PRKN: variants seen among roughly 807,000 people sequenced by gnomAD.
The protein encoded by PRKN is parkin RBR E3 ubiquitin protein ligase.
A neutral mutation model predicts 59.5 loss-of-function variants in PRKN; 56 were observed. The observed-to-expected ratio is 0.94, with a 90% confidence interval of 0.76 to 1.18. The LOEUF is 1.18. Ranked by LOEUF, PRKN falls within the 50% of genes most tolerant of loss-of-function variation. The pLI, the probability that PRKN is intolerant of heterozygous loss-of-function variation, is 0.00. For synonymous variants in PRKN, 250 were observed against 222.1 expected, an observed-to-expected ratio of 1.13 and a Z score of -1.12; for missense variants, 657 against 596.4, an observed-to-expected ratio of 1.10 and a Z score of -1.06.
Position 161,529,350 on chromosome 6 carries a change from T to A in PRKN, c.1083+19504A>T, listed in dbSNP as rs535780785. Among the ~76,000 whole-genome samples, 52 of 152,304 alleles carry A rather than the reference T, an allele frequency of 3.4e-4. No homozygotes were observed. Among genetic ancestry groups the A allele is most frequent in the African/African-American group, 9.1e-4 (38 of 41,562 alleles). On this transcript the variant is annotated intron_variant, in intron 9 of 11. Transcript: ENST00000366898. The surrounding 1 kb of genome is among the most constrained non-coding windows in gnomAD (Gnocchi z 4.4). The stretch of plus-strand genomic sequence containing the variant: ...CCTGGGGCCGCAGTAAGCACCAAGT[T>A]CACAGGCTTAGTGAGGCGAGTCACA...
rs1789143745 is a variant in PRKN at position 162,424,739 on chromosome 6, A to ATT, written c.171+18570_171+18571insAA. Reference sequence around the variant, plus strand: ...GACAGAGCAAGACTCTGTCTCAAAGAAAAAAAAAAAAAAGAAAAGAAAAGA... The same window carrying ATT: ...GACAGAGCAAGACTCTGTCTCAAAGATTAAAAAAAAAAAAAGAAAAGAAAAGA... On this transcript the variant is annotated intron_variant, in intron 2 of 11. Transcript: ENST00000366898. Among the ~76,000 whole-genome samples, 7 of 141,316 alleles carry ATT rather than the reference A, an allele frequency of 5.0e-5. No homozygotes were observed. The South Asian group carries it at 1.6e-3, about 32-fold the overall frequency. The allele number at this position is 141,316 out of a possible 152,430, so 92.7% of individuals were successfully genotyped here.
At position 162,539,615 on chromosome 6, in the gene PRKN, C is replaced by T. The variant is rs367779183; in HGVS notation, c.8-96142G>A. On this transcript the variant is annotated intron_variant, in intron 1 of 11. Transcript: ENST00000366898. ...AGTCTCATGGAAATGCATTAAACATCAGACAAAAAAATGTAGGCTGCTTGA... is the reference window on the plus strand; with the variant it reads ...AGTCTCATGGAAATGCATTAAACATTAGACAAAAAAATGTAGGCTGCTTGA... 3.3e-5 allele frequency among the ~76,000 whole-genome samples: 5 copies of T among 152,112 alleles called. No individual in the cohort carries two copies. In the East Asian group the frequency reaches 7.7e-4, roughly 23 times the overall value.
intron 9 of PRKN, among the ~76,000 whole-genome samples, chr6:161,500,047 C>T (rs764240471): frequency 9.2e-5 from 14 of 152,308 alleles, no homozygotes; most frequent in East Asian, 3.9e-4. Context: ...CAAAATCTCA[C>T]GCATCTTTAA....
intron 2 of PRKN, among the ~76,000 whole-genome samples, chr6:162,409,015 C>T (rs1788213316): frequency 6.6e-6 from 1 of 151,886 alleles, no homozygotes; most frequent in South Asian, 2.1e-4. Context: ...CTCTCTGACA[C>T]TGTTGTCTCC....
intron 1 of PRKN, among the ~76,000 whole-genome samples, chr6:162,642,310 A>T (rs796548661): frequency 1.1e-4 from 17 of 152,312 alleles, no homozygotes; most frequent in African/African-American, 3.8e-4. Flanking sequence ...TATGATCCAT[A>T]AAATAAGAAC....
chr6:161,933,528 C>G lies in PRKN; in HGVS notation c.734+39774G>C, dbSNP rs180973047. ...CTGGTCATATAGCCTCTGAAAAACT[C>G]CGTAGCTTAGTATTGTTATGAAAAT... On this transcript the variant is annotated intron_variant, in intron 6 of 11. Coordinates refer to ENST00000366898, the MANE Select transcript of PRKN (RefSeq NM_004562.3). 7.6e-4 allele frequency among the ~76,000 whole-genome samples: 116 copies of G among 152,304 alleles called. 1 individual carries two copies. Among genetic ancestry groups the G allele is most frequent in the African/African-American group, 2.8e-3 (116 of 41,558 alleles).
intron 6 of PRKN, among the ~76,000 whole-genome samples, chr6:161,953,188 T>C (rs1044296914): frequency 4.6e-5 from 7 of 152,300 alleles, no homozygotes; most frequent in Admixed American, 3.3e-4. Context: ...CTCAGCTCAC[T>C]GCAACCTCCA....
rs546444018 is a variant in PRKN at position 162,370,041 on chromosome 6, T to C, written c.171+73269A>G. On this transcript the variant is annotated intron_variant, in intron 2 of 11. Transcript: ENST00000366898. ...ATCATCAAGTGGCCACCTACGCTTTTTGAGTGGTAATTCTTGAAATATGGT... is the reference window on the plus strand; with the variant it reads ...ATCATCAAGTGGCCACCTACGCTTTCTGAGTGGTAATTCTTGAAATATGGT... Among the ~76,000 whole-genome samples the C allele has an allele frequency of 4.6e-5, 7 of 152,292 alleles. No individual in the cohort carries two copies. The East Asian group carries it at 1.2e-3, about 25-fold the overall frequency.
At chr6:161,485,701 G>A (rs1791616146) in intron 9 of PRKN, among the ~76,000 whole-genome samples, 1 of 151,948 alleles carries the variant, frequency 6.6e-6, no homozygotes, top group Non-Finnish European at 1.5e-5. Context: ...AGAGAATGAA[G>A]AAAATTCAAG....
At chr6:162,550,568 C>A (rs73591891) in intron 1 of PRKN, among the ~76,000 whole-genome samples, 1 of 152,076 alleles carries the variant, frequency 6.6e-6, no homozygotes, top group African/African-American at 2.4e-5. Flanking sequence ...AGTCACCAGG[C>A]GAGGCTGGGC....
intron 2 of PRKN, among the ~76,000 whole-genome samples, chr6:162,423,239 T>C (rs1243971129): frequency 6.6e-6 from 1 of 152,104 alleles, no homozygotes; most frequent in African/African-American, 2.4e-5. Flanking sequence ...TATGTACACA[T>C]CAGTAACTAG....
intron 6 of PRKN, among the ~76,000 whole-genome samples, chr6:161,897,632 GA>G (rs1437840912): frequency 6.6e-6 from 1 of 152,170 alleles, no homozygotes; most frequent in Non-Finnish European, 1.5e-5. Context: ...TTTTGGCTTA[GA>G]ATTGTGTGCT....
At chr6:162,265,748 C>A (rs1780100915) in intron 2 of PRKN, among the ~76,000 whole-genome samples, 1 of 152,160 alleles carries the variant, frequency 6.6e-6, no homozygotes, top group Admixed American at 6.5e-5. Context: ...TGAGTCCAAC[C>A]CACTGAGGTG....
intron 1 of PRKN, among the ~76,000 whole-genome samples, chr6:162,708,894 G>A (rs777400658): frequency 9.9e-5 from 15 of 152,252 alleles, no homozygotes; most frequent in Admixed American, 2.6e-4. Flanking sequence ...GTGGGCAAGC[G>A]GAGCCAGTAA....
At chr6:162,478,945 A>T (rs894082534) in intron 1 of PRKN, among the ~76,000 whole-genome samples, 1 of 152,190 alleles carries the variant, frequency 6.6e-6, no homozygotes, top group Non-Finnish European at 1.5e-5. Flanking sequence ...TGGCGAGTGA[A>T]TGGGAAGACC....
intron 1 of PRKN, among the ~76,000 whole-genome samples, chr6:162,623,953 A>C (rs1782777776): frequency 6.6e-6 from 1 of 152,110 alleles, no homozygotes; most frequent in Non-Finnish European, 1.5e-5. Context: ...TTTTTCTCAA[A>C]CAAAACTGAA....
At chr6:162,115,731 G>C (rs73014696) in intron 4 of PRKN, among the ~76,000 whole-genome samples, 6,642 of 152,102 alleles carry the variant, frequency 0.044, 184 homozygotes, top group Middle Eastern at 0.065. Context: ...GAGCCCATAT[G>C]GGTCAAGATG....
At position 161,401,988 on chromosome 6, in the gene PRKN, G is replaced by A. The variant is rs976831992; in HGVS notation, c.1084-15111C>T. On this transcript the variant is annotated intron_variant, in intron 9 of 11. Transcript: ENST00000366898. This position sits in a 1 kb window ranked among gnomAD's most constrained non-coding sequence, Gnocchi z 4.4. Reference sequence around the variant, plus strand: ...AAAGAAGGTTCCCAGCTTGGGGCTGGGTAATAATGGTGAGAGCATTTCCCA... The same window carrying A: ...AAAGAAGGTTCCCAGCTTGGGGCTGAGTAATAATGGTGAGAGCATTTCCCA... Among the ~76,000 whole-genome samples the A allele has an allele frequency of 6.6e-6, 1 of 152,162 alleles. No homozygotes were observed. The highest frequency in any genetic ancestry group is 1.5e-5 in the Non-Finnish European group (1 of 68,038).
At chr6:161,789,568 T>C (rs1790558639) in intron 6 of PRKN, among the ~76,000 whole-genome samples, 1 of 152,204 alleles carries the variant, frequency 6.6e-6, no homozygotes, top group Non-Finnish European at 1.5e-5. Context: ...CAAGGAACTT[T>C]CTCTGGAGCC....
Sources: gnomAD v4.1 joint callset for allele counts (sites outside exome capture counted in the v4.1 genomes callset) on GRCh38, gnomAD v4.1.1 for gene constraint, Gnocchi (gnomAD v3.1) non-coding constraint, MANE v1.5 for transcripts, NCBI Gene and HGNC (gene_info 2026-07-23, HGNC 2026-07-21) for gene names.